The following CD163L1 variants were observed in gnomAD, a reference collection of about 807,000 sequenced individuals.
CD163L1 encodes the protein CD163 molecule like 1.
In CD163L1, 124 loss-of-function variants were observed where a neutral mutation model predicts 165.4. That is an observed-to-expected ratio of 0.75 (90% CI 0.65 to 0.87). The LOEUF (loss-of-function observed/expected upper bound fraction) is 0.87. Ranked by LOEUF, CD163L1 falls within the 40% of genes least tolerant of loss-of-function variation. The pLI is 0.00. For synonymous variants in CD163L1, 585 were observed against 662.2 expected (o/e 0.88, Z 1.79); for missense variants, 1,525 against 1,799.9 (o/e 0.85, Z 2.76).
the CD163L1 span, chr12:7,328,446 G>A: frequency 5.5e-5 from 64 of 1,167,776 alleles, no homozygotes; most frequent in Non-Finnish European, 4.5e-5. Flanking sequence ...ATAATTCAGC[G>A]ACTACTCTCT....
rs769675914 is a variant in CD163L1 at position 7,374,461 on chromosome 12, G to A, written c.3390C>T (p.Asp1130=). The change falls in exon 13 of 20, where the codon GAC becomes GAT. Residue 1130 remains aspartate (D), a synonymous_variant. Coordinates refer to ENST00000313599, the MANE Select transcript of CD163L1 (RefSeq NM_174941.6). The surrounding 1 kb of genome is among the most constrained non-coding windows in gnomAD (Gnocchi z 5.4). ...ACAGACCTGAGCAGATGACCCCTGCGTCCTCCTTGTGCCTGCAGTCGTGCT... is the reference window on the plus strand; with the variant it reads ...ACAGACCTGAGCAGATGACCCCTGCATCCTCCTTGTGCCTGCAGTCGTGCT... The part of the protein sequence containing the change: ...WGQHDCRHKE[D]AGVICSEFTA... 9.2e-5 allele frequency: 149 copies of A among 1,613,098 alleles called. No individual in the cohort carries two copies. The highest frequency in any genetic ancestry group is 1.1e-4 in the Non-Finnish European group (135 of 1,179,602).
chr12:7,440,253 C>G (rs1948809683), intron 2 of CD163L1, among the ~76,000 whole-genome samples: 1 of 151,948 alleles, frequency 6.6e-6, no homozygotes, highest in Non-Finnish European at 1.5e-5. Flanking sequence ...GAGGCGGCCC[C>G]GCGAAGCTCA....
intron 18 of CD163L1, among the ~76,000 whole-genome samples, chr12:7,358,433 T>C (rs959882222): frequency 6.6e-6 from 1 of 152,090 alleles, no homozygotes; most frequent in Admixed American, 6.6e-5. Context: ...AACACTTCAG[T>C]AGGGTTCCTA....
chr12:7,324,397 C>A, the CD163L1 span: 1 of 1,614,100 alleles, frequency 6.2e-7, no homozygotes, highest in African/African-American at 1.3e-5. Flanking sequence ...ATTATATCCT[C>A]TGGGTTTGTA....
the CD163L1 span, chr12:7,324,619 A>T: frequency 6.2e-7 from 1 of 1,610,040 alleles, no homozygotes; most frequent in Non-Finnish European, 8.5e-7. Context: ...GTCATTTATT[A>T]AAGAAGCAAC....
chr12:7,371,026 A>G (rs12226999), intron 14 of CD163L1, among the ~76,000 whole-genome samples: 1 of 152,122 alleles, frequency 6.6e-6, no homozygotes, highest in African/African-American at 2.4e-5. Context: ...GTGATAGTGA[A>G]TAAGTCTCAC....
Position 7,403,540 on chromosome 12 carries a change from C to A in CD163L1, c.1403G>T (p.Cys468Phe), listed in dbSNP as rs756501530. The part of the protein sequence containing the change: ...CFRRSDAGVI[C>F]SDKADLDLRL... ...TCATGATCTTTGAACCTTACCAGAACAAATTACTCCAGCATCTGATCTTCG... is the reference window on the plus strand; with the variant it reads ...TCATGATCTTTGAACCTTACCAGAAAAAATTACTCCAGCATCTGATCTTCG... The change falls in exon 6 of 20, where the codon TGT becomes TTT. Residue 468 changes from cysteine (C) to phenylalanine (F), a missense_variant. Cys to Phe is a radical substitution (Grantham distance 205). Coordinates refer to ENST00000313599, the MANE Select transcript of CD163L1 (RefSeq NM_174941.6). 6 of 1,610,688 alleles carry A rather than the reference C, an allele frequency of 3.7e-6. No individual in the cohort carries two copies. In the Admixed American group the frequency reaches 8.4e-5, roughly 22 times the overall value.
chr12:7,403,546 A>G lies in CD163L1; in HGVS notation c.1397T>C (p.Val466Ala). ...RTCFRRSDAG[V>A]ICSDKADLDL... Reference sequence around the variant, plus strand: ...TCTTTGAACCTTACCAGAACAAATTACTCCAGCATCTGATCTTCGGAAGCA... The same window carrying G: ...TCTTTGAACCTTACCAGAACAAATTGCTCCAGCATCTGATCTTCGGAAGCA... The change falls in exon 6 of 20, where the codon GTA (valine) becomes GCA (alanine). Residue 466 changes from valine (V) to alanine (A), a missense_variant. By Grantham distance (64) the Val-to-Ala change is moderately conservative. Coordinates refer to ENST00000313599, the MANE Select transcript of CD163L1 (RefSeq NM_174941.6). The G allele has an allele frequency of 6.2e-7, 1 of 1,611,936 alleles. No homozygotes were observed.
the CD163L1 span, among the ~76,000 whole-genome samples, chr12:7,340,152 TTTATGGATA>T: frequency 6.6e-6 from 1 of 152,172 alleles, no homozygotes; most frequent in Non-Finnish European, 1.5e-5. Flanking sequence ...TGCACAACTT[TTTATGGATA>T]TGTCCTATAG....
the CD163L1 span, among the ~76,000 whole-genome samples, chr12:7,336,965 A>G: frequency 6.6e-6 from 1 of 152,214 alleles, no homozygotes; most frequent in Non-Finnish European, 1.5e-5. Flanking sequence ...AATGGTACCA[A>G]AACAGATACA....
intron 8 of CD163L1, among the ~76,000 whole-genome samples, chr12:7,385,745 T>C (rs1947502279): frequency 6.6e-6 from 1 of 151,918 alleles, no homozygotes; most frequent in South Asian, 2.1e-4. Context: ...ATTAAACATG[T>C]TCCTGAATGA....
At chr12:7,439,774 C>T (rs1591976691) in intron 2 of CD163L1, 1 of 1,613,414 alleles carries the variant, frequency 6.2e-7, no homozygotes, top group Non-Finnish European at 8.5e-7. Flanking sequence ...AAGAATTTCA[C>T]CCCCCTCGAT....
At chr12:7,327,242 T>G in the CD163L1 span, 1 of 1,022,806 alleles carries the variant, frequency 9.8e-7, no homozygotes, top group South Asian at 1.8e-5. Flanking sequence ...GAATTTTGCT[T>G]TAAAATGTTT....
At chr12:7,350,543 G>T (rs1305243598), downstream of CD163L1, among the ~76,000 whole-genome samples, 3 of 151,882 alleles carry the variant, frequency 2.0e-5, no homozygotes, top group African/African-American at 7.3e-5. Flanking sequence ...GTCTCTTTCT[G>T]TCCTCTTTCC....
In CD163L1 at chr12:7,373,617, T is replaced by C. The variant is rs372850983; in HGVS notation, c.3433A>G (p.Ser1145Gly). The part of the protein sequence containing the change: ...CSEFTALRLY[S>G]ETETESCAGR... The stretch of plus-strand genomic sequence containing the variant: ...GCACAGCTCTCTGTTTCAGTTTCAC[T>C]GTAGAGCCTCAAGGCTGTGAATTCT... Residue 1145 changes from serine (S) to glycine (G), a missense_variant, in exon 14 of 20, where the codon AGT (serine) becomes GGT (glycine). Coordinates refer to ENST00000313599, the MANE Select transcript of CD163L1 (RefSeq NM_174941.6). 2 of 1,606,944 alleles carry C rather than the reference T, an allele frequency of 1.2e-6. No individual in the cohort carries two copies. Among genetic ancestry groups the C allele is most frequent in the African/African-American group, 1.3e-5 (1 of 74,794 alleles).
chr12:7,342,206 C>T (rs111700073), downstream of CD163L1, among the ~76,000 whole-genome samples: 4,585 of 152,290 alleles, frequency 0.03, 243 homozygotes, highest in African/African-American at 0.1. Flanking sequence ...CCATGACACC[C>T]ACACTGGAAG....
intron 2 of CD163L1, among the ~76,000 whole-genome samples, chr12:7,434,918 T>C (rs1034484963): frequency 1.3e-5 from 2 of 152,124 alleles, no homozygotes; most frequent in Non-Finnish European, 2.9e-5. Flanking sequence ...ACTAGAAATT[T>C]TGGTTTCCTT....
At chr12:7,331,391 C>A in the CD163L1 span, among the ~76,000 whole-genome samples, 3 of 152,240 alleles carry the variant, frequency 2.0e-5, no homozygotes, top group African/African-American at 7.2e-5. Context: ...GCAGCAATAA[C>A]CTCTGCAGAC....
intron 5 of CD163L1, 95 bp from the exon 6 acceptor site, chr12:7,403,950 T>C: frequency 2.2e-6 from 2 of 893,834 alleles, no homozygotes; most frequent in Non-Finnish European, 1.7e-6. Context: ...AGATTAGATG[T>C]ATCCTTCACA....
Sources: allele counts gnomAD v4.1 joint callset (sites outside exome capture counted in the v4.1 genomes callset), GRCh38; gene constraint gnomAD v4.1.1; non-coding constraint Gnocchi (gnomAD v3.1); transcripts MANE v1.5; gene names NCBI Gene and HGNC (gene_info 2026-07-23, HGNC 2026-07-21).